Variants in SYNPO2L observed in about 807,000 individuals in gnomAD.
SYNPO2L encodes synaptopodin 2 like, also known as synaptopodin 2-like protein.
In SYNPO2L, 34 loss-of-function variants were observed where a neutral mutation model predicts 47.5. The ratio of observed to expected loss-of-function variants is 0.72; its 90% CI spans 0.54 to 0.95. The LOEUF (loss-of-function observed/expected upper bound fraction) is 0.95. Among genes scored for constraint, SYNPO2L ranks in the 40% least tolerant of loss-of-function variants. The probability of loss-of-function intolerance (pLI) is 0.00; values close to 1 mark genes in which losing one functional copy is unlikely to be tolerated. For synonymous variants in SYNPO2L, 536 were observed against 524.9 expected, an observed-to-expected ratio of 1.02 and a Z score of -0.29; for missense variants, 1,246 against 1,282.0, an observed-to-expected ratio of 0.97 and a Z score of 0.43.
chr10:73,645,203 T>C lies in SYNPO2L; in HGVS notation c.*1515A>G. 1 of 1,147,560 alleles carries C rather than the reference T, an allele frequency of 8.7e-7. No homozygotes were observed. Among genetic ancestry groups the C allele is most frequent in the Non-Finnish European group, 1.1e-6 (1 of 920,884 alleles). 71.1% of individuals were successfully genotyped at this position (1,147,560 alleles called of 1,614,324 possible). A position where few individuals can be genotyped will look rare whatever the true frequency, so the allele number is the denominator to read the frequency against. The stretch of plus-strand genomic sequence containing the variant: ...AGGAAAATCACACAGACACCAACCG[T>C]TCTTTCAACACTCAGCACACACCCT... On this transcript the variant is annotated 3_prime_UTR_variant, in exon 4 of 4. Transcript: ENST00000394810.
chr10:73,645,605 T>C lies in SYNPO2L; in HGVS notation c.*1113A>G, dbSNP rs578225876. 1.3e-5 allele frequency: 13 copies of C among 986,816 alleles called. No homozygotes were observed. The East Asian group carries it at 1.1e-3, about 86-fold the overall frequency. The allele number at this position is 986,816 out of a possible 1,614,324, so 61.1% of individuals were successfully genotyped here. On this transcript the variant is annotated 3_prime_UTR_variant, in exon 4 of 4. Transcript: ENST00000394810. ...TGAAATCCTGAGGTATAGAATTCTT[T>C]GTTCTATTCCTGGTCTAGCTGGTAT...
chr10:73,651,141 C>T (rs563221000), intron 3 of SYNPO2L: 4 of 1,336,940 alleles, frequency 3.0e-6, no homozygotes, highest in African/African-American at 3.0e-5. Context: ...CTGGCCCTCT[C>T]CCTTCTCTGG....
chr10:73,646,169 G>A lies in SYNPO2L; in HGVS notation c.*549C>T. On this transcript the variant is annotated 3_prime_UTR_variant, in exon 4 of 4. Coordinates refer to ENST00000394810, the MANE Select transcript of SYNPO2L (RefSeq NM_001114133.3). ...GACCTCCCCTCTTATTCATGCCTTA[G>A]ACGGAAGAGCACACACACACACACA... 1.0e-6 allele frequency: 1 copy of A among 969,180 alleles called. No homozygotes were observed. The highest frequency in any genetic ancestry group is 1.2e-6 in the Non-Finnish European group (1 of 827,980). The allele number at this position is 969,180 out of a possible 1,614,324, so 60.0% of individuals were successfully genotyped here. A position where few individuals can be genotyped will look rare whatever the true frequency, so the allele number is the denominator to read the frequency against.
Position 73,653,208 on chromosome 10 carries a change from C to A in SYNPO2L, c.703G>T (p.Val235Leu). Reference sequence around the variant, plus strand: ...GCCACTGGGTGGGGAACAGGCCCCACCATAGGGATGAGATGAGGACCAGGT... The same window carrying A: ...GCCACTGGGTGGGGAACAGGCCCCAACATAGGGATGAGATGAGGACCAGGT... ...LRPGPHLIPM[V>L]GPVPHPVAED... Residue 235 changes from valine (V) to leucine (L), a missense_variant, in exon 3 of 4, where the codon GTG becomes TTG. By Grantham distance (32) the Val-to-Leu change is conservative. This residue lies in a region of SYNPO2L where 1,037 missense variants were observed against 1,021.5 expected (regional missense o/e 1.02). Coordinates refer to ENST00000394810, the MANE Select transcript of SYNPO2L (RefSeq NM_001114133.3). The A allele has an allele frequency of 6.7e-7, 1 of 1,490,038 alleles. No individual in the cohort carries two copies. The highest frequency in any genetic ancestry group is 9.0e-7 in the Non-Finnish European group (1 of 1,115,064). The allele number at this position is 1,490,038 out of a possible 1,614,324, so 92.3% of individuals were successfully genotyped here. A position where few individuals can be genotyped will look rare whatever the true frequency, so the allele number is the denominator to read the frequency against.
intron 1 of SYNPO2L, among the ~76,000 whole-genome samples, chr10:73,655,222 C>T (rs1047760628): frequency 4.6e-5 from 7 of 152,076 alleles, no homozygotes; most frequent in Non-Finnish European, 1.0e-4. Context: ...TTTTACAGTT[C>T]GGAAAACTAA....
At position 73,655,944 on chromosome 10, in the gene SYNPO2L, C is replaced by A; in HGVS notation, c.-22G>T. 2 of 1,542,742 alleles carry A rather than the reference C, an allele frequency of 1.3e-6. No homozygotes were observed. The highest frequency in any genetic ancestry group is 1.8e-6 in the Non-Finnish European group (2 of 1,142,266). ...CCATCGCTCAGCTTGGCCTATGGCC[C>A]CCGGAGTTTGAACAGTGTCCCCAGG... is the stretch of plus-strand genomic sequence containing the variant. On this transcript the variant is annotated 5_prime_UTR_variant, in exon 1 of 4. Transcript: ENST00000394810.
In SYNPO2L at chr10:73,646,144, G is replaced by A; in HGVS notation, c.*574C>T. The A allele has an allele frequency of 1.0e-6, 1 of 983,846 alleles. No individual in the cohort carries two copies. The allele number at this position is 983,846 out of a possible 1,614,324, so 60.9% of individuals were successfully genotyped here. A position where few individuals can be genotyped will look rare whatever the true frequency, so the allele number is the denominator to read the frequency against. ...CGGCCTCAGATTGGGTCTTTATTTTGACCTCCCCTCTTATTCATGCCTTAG... is the reference window on the plus strand; with the variant it reads ...CGGCCTCAGATTGGGTCTTTATTTTAACCTCCCCTCTTATTCATGCCTTAG... On this transcript the variant is annotated 3_prime_UTR_variant, in exon 4 of 4. Coordinates refer to ENST00000394810, the MANE Select transcript of SYNPO2L (RefSeq NM_001114133.3).
In SYNPO2L at chr10:73,653,534, C is replaced by G; in HGVS notation, c.377G>C (p.Gly126Ala). Residue 126 changes from glycine to alanine, a missense_variant, in exon 3 of 4, where the codon GGG becomes GCG. Physicochemically the swap from Gly to Ala is moderately conservative, Grantham distance 60 (BLOSUM62 0). Transcript: ENST00000394810. ...GAPVPQPLQP[G>A]SLRSPPDSEA... ...ACTATCAGGAGGTGAACGAAGGCTC[C>G]CAGGCTGAAGAGGCTGAGGAACTGG... 1.3e-6 allele frequency: 2 copies of G among 1,551,938 alleles called. No homozygotes were observed. Among genetic ancestry groups the G allele is most frequent in the Non-Finnish European group, 1.7e-6 (2 of 1,147,042 alleles).
intron 3 of SYNPO2L, chr10:73,651,113 C>T (rs867129493): frequency 2.6e-5 from 36 of 1,410,630 alleles, no homozygotes; most frequent in Non-Finnish European, 3.3e-5. Flanking sequence ...AATGAGCTCA[C>T]TGTGCTATTT....
chr10:73,655,293 C>A (rs1040455402), intron 1 of SYNPO2L, among the ~76,000 whole-genome samples: 1 of 152,106 alleles, frequency 6.6e-6, no homozygotes, highest in Non-Finnish European at 1.5e-5. Flanking sequence ...CTTGCCATAA[C>A]CCTCCTAGCA....
At position 73,648,515 on chromosome 10, in the gene SYNPO2L, C is replaced by A; in HGVS notation, c.1137G>T (p.Gln379His). Residue 379 changes from glutamine (Q) to histidine (H), a missense_variant, in exon 4 of 4, where the codon CAG becomes CAT. Physicochemically the swap from Gln to His is conservative, Grantham distance 24 (BLOSUM62 0). Coordinates refer to ENST00000394810, the MANE Select transcript of SYNPO2L (RefSeq NM_001114133.3). The part of the protein sequence containing the change: ...SEGQGSGLGG[Q>H]LSEVSGRGVQ... ...CCCCTCGCCCAGAGACCTCACTCAG[C>A]TGCCCTCCCAGCCCAGAGCCCTGGC... The A allele has an allele frequency of 6.2e-7, 1 of 1,614,024 alleles. No homozygotes were observed. Among genetic ancestry groups the A allele is most frequent in the Non-Finnish European group, 8.5e-7 (1 of 1,179,982 alleles).
chr10:73,654,086 G>C, intron 2 of SYNPO2L, 43 bp downstream of exon 2: 1 of 1,540,726 alleles, frequency 6.5e-7, no homozygotes, highest in Non-Finnish European at 8.8e-7. Context: ...ACAGGCAATG[G>C]GAGCCCTGGA....
rs2081742193 is a variant in SYNPO2L, at chr10:73,645,907, CTCCGCCT to C, written c.*804_*810del. The C allele has an allele frequency of 1.1e-6, 1 of 946,102 alleles. No homozygotes were observed. The highest frequency in any genetic ancestry group is 6.2e-5 in the Admixed American group (1 of 16,218). The allele number at this position is 946,102 out of a possible 1,614,324, so 58.6% of individuals were successfully genotyped here. A position where few individuals can be genotyped will look rare whatever the true frequency, so the allele number is the denominator to read the frequency against. ...TGGCGCAATCTCAGCTCACTGCAAGCTCCGCCTTCCAGGTTCATGCCATTCTCCTGCC... is the reference window on the plus strand; with the variant it reads ...TGGCGCAATCTCAGCTCACTGCAAGCTCCAGGTTCATGCCATTCTCCTGCC... On this transcript the variant is annotated 3_prime_UTR_variant, in exon 4 of 4. Transcript: ENST00000394810.
chr10:73,650,015 C>G (rs1205416274), intron 3 of SYNPO2L: 1 of 985,278 alleles, frequency 1.0e-6, no homozygotes, highest in East Asian at 1.1e-4. Flanking sequence ...GCCAGGCACA[C>G]AAAGACTATG....
rs181134183 is a variant in SYNPO2L, at chr10:73,649,816, G to A, written c.773-937C>T. 17 of 985,382 alleles carry A rather than the reference G, an allele frequency of 1.7e-5. No individual in the cohort carries two copies. The African/African-American group carries it at 3.0e-4, about 17-fold the overall frequency. 61.0% of individuals were successfully genotyped at this position (985,382 alleles called of 1,614,324 possible). A position where few individuals can be genotyped will look rare whatever the true frequency, so the allele number is the denominator to read the frequency against. On this transcript the variant is annotated intron_variant, in intron 3 of 3. Coordinates refer to ENST00000394810, the MANE Select transcript of SYNPO2L (RefSeq NM_001114133.3). ...TTCACACCCCTGCTACTCACAGTCA[G>A]GGGTAGTCTCCATCCAAGATGCAGG...
Position 73,647,978 on chromosome 10 carries a change from A to G in SYNPO2L, c.1674T>C (p.Pro558=). 1.3e-6 allele frequency: 2 copies of G among 1,543,588 alleles called. No homozygotes were observed. Among genetic ancestry groups the G allele is most frequent in the Non-Finnish European group, 8.7e-7 (1 of 1,147,368 alleles). The change falls in exon 4 of 4, where the codon CCT becomes CCC. Residue 558 remains proline, a synonymous_variant. Coordinates refer to ENST00000394810, the MANE Select transcript of SYNPO2L (RefSeq NM_001114133.3). ...SSLYIPAPSR[P]VTPGGAPEPP... ...GCTCTGGAGCTCCACCTGGGGTGAC[A>G]GGCCGACTAGGGGCTGGGATGTACA...
chr10:73,649,479 A>G (rs1325670670), intron 3 of SYNPO2L, among the ~76,000 whole-genome samples: 1 of 152,172 alleles, frequency 6.6e-6, no homozygotes, highest in Non-Finnish European at 1.5e-5. Flanking sequence ...ATTCACAGAA[A>G]TAACTCCCAC....
intron 2 of SYNPO2L, 142 bp from the exon 3 acceptor site, chr10:73,653,795 C>T: frequency 8.3e-7 from 1 of 1,209,508 alleles, no homozygotes. Context: ...AATGGGTGGG[C>T]CGGGAAGAGT....
chr10:73,648,214 G>T lies in SYNPO2L; in HGVS notation c.1438C>A (p.Pro480Thr). The T allele has an allele frequency of 6.3e-7, 1 of 1,579,184 alleles. No homozygotes were observed. Residue 480 changes from proline to threonine, a missense_variant, in exon 4 of 4, where the codon CCA (proline) becomes ACA (threonine). By Grantham distance (38) the Pro-to-Thr change is conservative (BLOSUM62 -1). Transcript: ENST00000394810. ...CGGAAAATAACCGAGGTGGTAGTTG[G>T]CCGCTGCCCTTGTAGGCCCGGGGTA... Reference protein sequence around the residue: ...PFTPGLQGQRPTTTSVIFRPL... With the variant: ...PFTPGLQGQRTTTTSVIFRPL...
Sources: allele counts gnomAD v4.1 joint callset (sites outside exome capture counted in the v4.1 genomes callset), GRCh38; gene constraint gnomAD v4.1.1; regional missense constraint gnomAD v4.1.1; transcripts MANE v1.5; gene names NCBI Gene and HGNC (gene_info 2026-07-23, HGNC 2026-07-21).